SORT1: variants seen among roughly 807,000 people sequenced by gnomAD.
SORT1 encodes the protein sortilin 1.
A neutral mutation model predicts 101.7 loss-of-function variants in SORT1; 39 were observed. The ratio of observed to expected loss-of-function variants is 0.38; its 90% CI spans 0.30 to 0.50. SORT1 has a LOEUF of 0.50. Among genes scored for constraint, SORT1 ranks in the 20% least tolerant of loss-of-function variants. The probability of loss-of-function intolerance (pLI) is 0.90; values close to 1 mark genes in which losing one functional copy is unlikely to be tolerated. For missense variants in SORT1, 878 were observed against 1,040.4 expected (o/e 0.84, Z 2.15); for synonymous variants, 396 against 393.7 (o/e 1.01, Z -0.07).
intron 2 of SORT1, among the ~76,000 whole-genome samples, chr1:109,367,795 C>T (rs1348151414): frequency 1.3e-5 from 2 of 152,200 alleles, no homozygotes; most frequent in African/African-American, 2.4e-5. Flanking sequence ...ACCCTCTTCC[C>T]TTTTCTCCTT....
At chr1:109,321,558 G>A (rs1427429458) in intron 15 of SORT1, among the ~76,000 whole-genome samples, 1 of 152,196 alleles carries the variant, frequency 6.6e-6, no homozygotes, top group South Asian at 2.1e-4. Context: ...CTGAAACAGA[G>A]AAGGGAGGAC....
At chr1:109,329,489 G>A (rs1041645826) in intron 11 of SORT1, among the ~76,000 whole-genome samples, 1 of 152,268 alleles carries the variant, frequency 6.6e-6, no homozygotes, top group Admixed American at 6.5e-5. Flanking sequence ...TCCTGACCTC[G>A]TGATCCGCCC....
chr1:109,389,589 A>G (rs1652782222), intron 1 of SORT1, among the ~76,000 whole-genome samples: 1 of 152,216 alleles, frequency 6.6e-6, no homozygotes, highest in Non-Finnish European at 1.5e-5. Flanking sequence ...TAAGCACATT[A>G]TCAGCAAGAG....
rs1314405642 is a variant in SORT1, at chr1:109,313,706, G to C, written c.*337C>G. Reference sequence around the variant, plus strand: ...GGCGCCATGCAGAACACACAGAAGTGGGGTTAGTGAAAAGGTCCCTTCGAA... The same window carrying C: ...GGCGCCATGCAGAACACACAGAAGTCGGGTTAGTGAAAAGGTCCCTTCGAA... On this transcript the variant is annotated 3_prime_UTR_variant, in exon 20 of 20. Coordinates refer to ENST00000256637, the MANE Select transcript of SORT1 (RefSeq NM_002959.7). 1.5e-5 allele frequency: 5 copies of C among 343,632 alleles called. No individual in the cohort carries two copies. The highest frequency in any genetic ancestry group is 2.7e-5 in the Non-Finnish European group (5 of 186,222). The allele number at this position is 343,632 out of a possible 1,614,324, so 21.3% of individuals were successfully genotyped here.
rs114539596 is a variant in SORT1, at chr1:109,315,415, C to T, written c.2251-637G>A. Among the ~76,000 whole-genome samples, 802 of 152,094 alleles carry T rather than the reference C, an allele frequency of 5.3e-3. 7 individuals carry two copies. The highest frequency in any genetic ancestry group is 0.018 in the African/African-American group (753 of 41,476). On this transcript the variant is annotated intron_variant, in intron 17 of 19. Coordinates refer to ENST00000256637, the MANE Select transcript of SORT1 (RefSeq NM_002959.7). ...TGGGAGTCCTGTGCAATCACACACA[C>T]GAACACTCTGAGGAGAGTCACCAGG...
chr1:109,393,001 A>C (rs954564631), intron 1 of SORT1: 90 of 985,324 alleles, frequency 9.1e-5, no homozygotes, highest in Non-Finnish European at 1.0e-4. Context: ...GGCAGTTAGG[A>C]AGTTCCGGGG....
chr1:109,367,585 A>G, intron 2 of SORT1, 104 bp from the exon 3 acceptor site: 1 of 664,478 alleles, frequency 1.5e-6, no homozygotes. Flanking sequence ...TGATATCCCT[A>G]CTTTGTAGTA....
At chr1:109,356,544 G>C (rs1017600941) in intron 3 of SORT1, among the ~76,000 whole-genome samples, 1 of 152,118 alleles carries the variant, frequency 6.6e-6, no homozygotes, top group Non-Finnish European at 1.5e-5. Context: ...TCTATGCAAA[G>C]TGCTCCCAAA....
At chr1:109,372,719 G>A (rs1473964809) in intron 1 of SORT1, among the ~76,000 whole-genome samples, 1 of 152,112 alleles carries the variant, frequency 6.6e-6, no homozygotes, top group Admixed American at 6.5e-5. Flanking sequence ...GAGTTCGACT[G>A]AAACCCCGTC....
chr1:109,369,706 T>C lies in SORT1; in HGVS notation c.307-117A>G, dbSNP rs1404659178. ...AGTAATTAAGTTCATAATTACAAAG[T>C]GGGTATGGATTCCCAGTACAAAATT... On this transcript the variant is annotated intron_variant, in intron 1 of 19. Coordinates refer to ENST00000256637, the MANE Select transcript of SORT1 (RefSeq NM_002959.7). The C allele has an allele frequency of 5.6e-6, 4 of 712,960 alleles. No individual in the cohort carries two copies. The East Asian group carries it at 1.1e-4, about 19-fold the overall frequency. 44.2% of individuals were successfully genotyped at this position (712,960 alleles called of 1,614,324 possible).
chr1:109,340,023 C>T (rs1649103862), intron 10 of SORT1, among the ~76,000 whole-genome samples: 1 of 151,902 alleles, frequency 6.6e-6, no homozygotes, highest in Admixed American at 6.6e-5. Flanking sequence ...GTGGCACACA[C>T]CTGTAAACCC....
Position 109,355,436 on chromosome 1 carries a change from T to C in SORT1, c.474A>G (p.Thr158=). The C allele has an allele frequency of 6.2e-7, 1 of 1,601,194 alleles. No homozygotes were observed. The highest frequency in any genetic ancestry group is 8.6e-7 in the Non-Finnish European group (1 of 1,168,300). The stretch of plus-strand genomic sequence containing the variant: ...GAATAAAGGTGTTATTGATGAGATC[T>C]GTAATATCCTTAAAGTTCTTCCCAT... ...EDYGKNFKDI[T]DLINNTFIRT... The change falls in exon 4 of 20, where the codon ACA becomes ACG. Residue 158 remains threonine (T), a synonymous_variant. Coordinates refer to ENST00000256637, the MANE Select transcript of SORT1 (RefSeq NM_002959.7).
rs547573286 is a variant in SORT1 at position 109,363,377 on chromosome 1, C to G, written c.440+4031G>C. On this transcript the variant is annotated intron_variant, in intron 3 of 19. Coordinates refer to ENST00000256637, the MANE Select transcript of SORT1 (RefSeq NM_002959.7). ...ATAATCCATTATAAAACTAATATTC[C>G]TTATAAGGAAATCAAAATTTATACT... 2.0e-5 allele frequency among the ~76,000 whole-genome samples: 3 copies of G among 152,236 alleles called. No homozygotes were observed. In the East Asian group the frequency reaches 5.8e-4, roughly 29 times the overall value.
In SORT1 at chr1:109,345,808, T is replaced by C; in HGVS notation, c.906A>G (p.Lys302=). The change falls in exon 8 of 20, where the codon AAA becomes AAG. Residue 302 remains lysine, a synonymous_variant. Coordinates refer to ENST00000256637, the MANE Select transcript of SORT1 (RefSeq NM_002959.7). ...GTCCCCCAAGACCAAATGAGTAGAT[T>C]TTCACACCAATAGTTTTGAAGCTTT... The part of the protein sequence containing the change: ...LGKSFKTIGV[K]IYSFGLGGRF... 1 of 1,613,842 alleles carries C rather than the reference T, an allele frequency of 6.2e-7. No homozygotes were observed. Among genetic ancestry groups the C allele is most frequent in the Non-Finnish European group, 8.5e-7 (1 of 1,179,790 alleles).
chr1:109,317,557 G>A (rs1004191149), intron 16 of SORT1, among the ~76,000 whole-genome samples: 2 of 152,160 alleles, frequency 1.3e-5, no homozygotes, highest in South Asian at 4.2e-4. Flanking sequence ...TGGGTCCCTC[G>A]CCTCTCCTCC....
At chr1:109,320,278 T>A (rs773437265) in intron 15 of SORT1, among the ~76,000 whole-genome samples, 7 of 152,200 alleles carry the variant, frequency 4.6e-5, no homozygotes, top group Non-Finnish European at 1.0e-4. Context: ...CACCTAAATA[T>A]GCTGACAAAA....
At chr1:109,314,591 C>T in intron 18 of SORT1, 81 bp downstream of exon 18, 1 of 1,152,452 alleles carries the variant, frequency 8.7e-7, no homozygotes, top group Non-Finnish European at 1.3e-6. Context: ...TAGTTTTTGC[C>T]AAGAGTAGAC....
chr1:109,369,331 C>T (rs926724864), intron 2 of SORT1, among the ~76,000 whole-genome samples, 199 bp downstream of exon 2: 2 of 151,856 alleles, frequency 1.3e-5, no homozygotes, highest in African/African-American at 4.8e-5. Flanking sequence ...CCCACCCCCC[C>T]GCAAAAAAGA....
chr1:109,335,419 C>T (rs949018025), intron 11 of SORT1, among the ~76,000 whole-genome samples: 1 of 152,116 alleles, frequency 6.6e-6, no homozygotes, highest in Admixed American at 6.5e-5. Flanking sequence ...GTAGATGCAA[C>T]AGTGCTTGCG....
Sources: gnomAD v4.1 joint callset for allele counts (sites outside exome capture counted in the v4.1 genomes callset) on GRCh38, gnomAD v4.1.1 for gene constraint, MANE v1.5 for transcripts, NCBI Gene and HGNC (gene_info 2026-07-23, HGNC 2026-07-21) for gene names.